Variants in CARS1 observed in about 807,000 individuals in gnomAD.
The protein encoded by CARS1 is cysteinyl-tRNA synthetase 1, also known as cysteine--tRNA ligase, cytoplasmic.
CARS1 carries 48 observed loss-of-function variants against 106.2 expected under a neutral mutation model. The observed-to-expected ratio is 0.45, with a 90% CI of 0.36 to 0.57. The LOEUF (loss-of-function observed/expected upper bound fraction) is 0.57. Among genes scored for constraint, CARS1 ranks in the 20% least tolerant of loss-of-function variants. The pLI is 0.00. For missense variants in CARS1, 968 were observed against 1,057.2 expected (o/e 0.92, Z 1.17); for synonymous variants, 409 against 403.4 (o/e 1.01, Z -0.17).
intron 7 of CARS1, among the ~76,000 whole-genome samples, chr11:3,036,678 C>T (rs1380725048): frequency 2.0e-5 from 3 of 152,146 alleles, no homozygotes; most frequent in African/African-American, 7.2e-5. Flanking sequence ...CCGTGTATAT[C>T]CCCAAAAGAA....
Position 3,034,549 on chromosome 11 carries a change from GA to G in CARS1, c.801+3500del, listed in dbSNP as rs1853335831. ...AATGGGTAAAATTTTTTTTCTTTTT[GA>G]GACGGAGTCTTGCTTCGTCGCCAGG... On this transcript the variant is annotated intron_variant, in intron 7 of 22. Coordinates refer to ENST00000380525, the MANE Select transcript of CARS1 (RefSeq NM_001014437.3). This position sits in a 1 kb window ranked among gnomAD's most constrained non-coding sequence, Gnocchi z 6.3. Among the ~76,000 whole-genome samples, 1 of 149,468 alleles carries G rather than the reference GA, an allele frequency of 6.7e-6. No individual in the cohort carries two copies. The highest frequency in any genetic ancestry group is 2.5e-5 in the African/African-American group (1 of 40,412).
rs539198659 is a variant in CARS1, at chr11:3,029,165, C to T, written c.943-81G>A. ...ATAAAAACGTTCCCAATTCATAAAA[C>T]GAAAAGCCCATTATGCCCCTCAACT... is the stretch of plus-strand genomic sequence containing the variant. On this transcript the variant is annotated intron_variant, in intron 8 of 22. Transcript: ENST00000380525. The surrounding 1 kb of genome is among the most constrained non-coding windows in gnomAD (Gnocchi z 5.9). 301 of 1,437,914 alleles carry T rather than the reference C, an allele frequency of 2.1e-4. 2 individuals carry two copies. In the East Asian group the frequency reaches 3.1e-3, roughly 15 times the overall value. The allele number at this position is 1,437,914 out of a possible 1,614,324, so 89.1% of individuals were successfully genotyped here.
chr11:3,015,977 C>A, intron 16 of CARS1, 128 bp from the exon 17 acceptor site: 1 of 771,348 alleles, frequency 1.3e-6, no homozygotes, highest in Non-Finnish European at 2.2e-6. Flanking sequence ...ATGGAAGCAG[C>A]AGCTCCAGGA....
chr11:3,056,638 G>A (rs1466036680), intron 1 of CARS1, among the ~76,000 whole-genome samples: 2 of 152,188 alleles, frequency 1.3e-5, no homozygotes, highest in Non-Finnish European at 1.5e-5. Flanking sequence ...GTGTGTACGC[G>A]TACCCCTGGC....
intron 9 of CARS1, chr11:3,027,055 C>T (rs1397730600): frequency 2.5e-6 from 1 of 405,756 alleles, no homozygotes; most frequent in Admixed American, 4.3e-5. Context: ...GCAGCTCCCA[C>T]CCTGCCTTGC....
Position 3,019,690 on chromosome 11 carries a change from A to G in CARS1, c.1267-423T>C, listed in dbSNP as rs1851389160. 6.6e-6 allele frequency among the ~76,000 whole-genome samples: 1 copy of G among 151,444 alleles called. No individual in the cohort carries two copies. Among genetic ancestry groups the G allele is most frequent in the Admixed American group, 6.6e-5 (1 of 15,196 alleles). On this transcript the variant is annotated intron_variant, in intron 11 of 22. Transcript: ENST00000380525. This position sits in a 1 kb window ranked among gnomAD's most constrained non-coding sequence, Gnocchi z 6.2. Reference sequence around the variant, plus strand: ...CGCCACTGCACTCCAGCCTGGTGACAGAGTGACACTCTGTCTCAAAAAAAA... The same window carrying G: ...CGCCACTGCACTCCAGCCTGGTGACGGAGTGACACTCTGTCTCAAAAAAAA...
rs1002059146 is a variant in CARS1 at position 3,050,438 on chromosome 11, C to T, written c.26-2437G>A. On this transcript the variant is annotated intron_variant, in intron 1 of 22. Coordinates refer to ENST00000380525, the MANE Select transcript of CARS1 (RefSeq NM_001014437.3). This position sits in a 1 kb window ranked among gnomAD's most constrained non-coding sequence, Gnocchi z 6.3. The stretch of plus-strand genomic sequence containing the variant: ...CTTAGGAGCACCCATAGCCAACCCA[C>T]GGGAGGATCCGGGGCCTCTAACTCA... 1.3e-5 allele frequency among the ~76,000 whole-genome samples: 2 copies of T among 152,186 alleles called. No homozygotes were observed. The highest frequency in any genetic ancestry group is 2.4e-5 in the African/African-American group (1 of 41,428).
chr11:3,007,777 ATCCCACGGT>A (rs1850040977), intron 18 of CARS1: 1 of 152,224 alleles, frequency 6.6e-6, no homozygotes, highest in African/African-American at 2.4e-5. Context: ...CTTGCCCGGC[ATCCCACGGT>A]TCTCCTAGTG....
rs2134194807 is a variant in CARS1, at chr11:3,029,236, A to G, written c.942+67T>C. The G allele has an allele frequency of 6.3e-7, 1 of 1,582,966 alleles. No homozygotes were observed. The highest frequency in any genetic ancestry group is 1.7e-4 in the Middle Eastern group (1 of 5,936). ...CCGCTTAATTGAGCTGGCCTTGCCA[A>G]AACAGGAATTTAGAAATCAGGGCCC... On this transcript the variant is annotated intron_variant, in intron 8 of 22. Coordinates refer to ENST00000380525, the MANE Select transcript of CARS1 (RefSeq NM_001014437.3). This position sits in a 1 kb window ranked among gnomAD's most constrained non-coding sequence, Gnocchi z 5.9.
chr11:3,010,794 A>C (rs1850375079), intron 18 of CARS1, among the ~76,000 whole-genome samples: 1 of 150,622 alleles, frequency 6.6e-6, no homozygotes, highest in Non-Finnish European at 1.5e-5. Context: ...CCCTCCACCC[A>C]CCCAGGCTTC....
intron 10 of CARS1, among the ~76,000 whole-genome samples, chr11:3,023,273 G>A (rs370337495): frequency 3.9e-5 from 6 of 152,014 alleles, no homozygotes; most frequent in Admixed American, 2.6e-4. Context: ...GTTCCCTCCC[G>A]GCATCTAAGT....
chr11:3,005,379 T>A lies in CARS1; in HGVS notation c.2204A>T (p.Glu735Val), dbSNP rs1308917228. The A allele has an allele frequency of 6.2e-7, 1 of 1,612,794 alleles. No homozygotes were observed. Among genetic ancestry groups the A allele is most frequent in the East Asian group, 2.2e-5 (1 of 44,870 alleles). Residue 735 changes from glutamate to valine, a missense_variant, in exon 20 of 23, where the codon GAA becomes GTA. Glu to Val is a moderately radical substitution (Grantham distance 121). Coordinates refer to ENST00000380525, the MANE Select transcript of CARS1 (RefSeq NM_001014437.3). ...VDRNTLLKER[E>V]EKRRVEEEKR... ...CACTTTACTCACCCGTCTCTTTTCT[T>A]CTCTCTCTTTTAATAAGGTGTTTCT...
chr11:3,047,697 G>A, intron 2 of CARS1, 56 bp downstream of exon 2: 1 of 1,553,834 alleles, frequency 6.4e-7, no homozygotes. Flanking sequence ...GATGGAGAAA[G>A]CCCTTGACCT....
intron 7 of CARS1, among the ~76,000 whole-genome samples, chr11:3,032,000 C>T (rs10766546): frequency 0.86 from 56,068 of 65,328 alleles, 23,935 homozygotes; most frequent in Admixed American, 0.91. Flanking sequence ...CCTTCCTTCC[C>T]TCCCTCCCTC....
intron 1 of CARS1, among the ~76,000 whole-genome samples, chr11:3,055,723 C>T (rs1322026606): frequency 4.6e-5 from 7 of 152,236 alleles, no homozygotes; most frequent in Admixed American, 1.3e-4. Flanking sequence ...ACTACTAATA[C>T]GTCATTTACG....
In CARS1 at chr11:3,029,465, T is replaced by A. The variant is rs1216381754; in HGVS notation, c.802-22A>T. The A allele has an allele frequency of 6.2e-7, 1 of 1,611,046 alleles. No homozygotes were observed. The highest frequency in any genetic ancestry group is 8.5e-7 in the Non-Finnish European group (1 of 1,179,310). The stretch of plus-strand genomic sequence containing the variant: ...ACACCTGAAGAGAAAGAAACAAAAA[T>A]CCAGCAGCGGGCCACACACTTCACA... On this transcript the variant is annotated intron_variant, in intron 7 of 22. Transcript: ENST00000380525. This position sits in a 1 kb window ranked among gnomAD's most constrained non-coding sequence, Gnocchi z 5.9.
rs1405619457 is a variant in CARS1, at chr11:3,003,834, C to T, written c.2218-1234G>A. ...GAGGCAGGACCCCTCCCCCATGGTGCCTCGGGCCTGGGGATGCCTTCTTGC... is the reference window on the plus strand; with the variant it reads ...GAGGCAGGACCCCTCCCCCATGGTGTCTCGGGCCTGGGGATGCCTTCTTGC... On this transcript the variant is annotated intron_variant, in intron 20 of 22. Transcript: ENST00000380525. This position sits in a 1 kb window ranked among gnomAD's most constrained non-coding sequence, Gnocchi z 4.8. 5.3e-5 allele frequency among the ~76,000 whole-genome samples: 8 copies of T among 152,148 alleles called. No homozygotes were observed. Among genetic ancestry groups the T allele is most frequent in the Admixed American group, 5.2e-4 (8 of 15,272 alleles).
chr11:3,016,328 C>T (rs1330059548), intron 16 of CARS1, among the ~76,000 whole-genome samples: 3 of 151,572 alleles, frequency 2.0e-5, no homozygotes, highest in Non-Finnish European at 2.9e-5. Flanking sequence ...TCATGCCATT[C>T]TCCTGCCTCA....
At chr11:3,009,358 C>T (rs1047115675) in intron 18 of CARS1, 2 of 152,206 alleles carry the variant, frequency 1.3e-5, no homozygotes, top group Non-Finnish European at 2.9e-5. Context: ...CACTGTGTGA[C>T]TCCACTCATG....
Sources: allele counts gnomAD v4.1 joint callset (sites outside exome capture counted in the v4.1 genomes callset), GRCh38; gene constraint gnomAD v4.1.1; non-coding constraint Gnocchi (gnomAD v3.1); transcripts MANE v1.5; gene names NCBI Gene and HGNC (gene_info 2026-07-23, HGNC 2026-07-21).